Variants in ATG7 observed in about 807,000 individuals in gnomAD.
The protein encoded by ATG7 is ubiquitin-like modifier-activating enzyme ATG7.
A neutral mutation model predicts 82.4 loss-of-function variants in ATG7; 70 were observed. The ratio of observed to expected loss-of-function variants is 0.85; its 90% CI spans 0.70 to 1.04. The LOEUF (loss-of-function observed/expected upper bound fraction) is 1.04, where lower values mean the gene tolerates loss of function less well. Among genes scored for constraint, ATG7 ranks in the 50% least tolerant of loss-of-function variants. The probability of loss-of-function intolerance (pLI) is 0.00; values close to 1 mark genes in which losing one functional copy is unlikely to be tolerated. For missense variants in ATG7, 792 were observed against 864.3 expected, an observed-to-expected ratio of 0.92 and a Z score of 1.05; for synonymous variants, 287 against 313.0, an observed-to-expected ratio of 0.92 and a Z score of 0.88.
chr3:11,496,911 G>C (rs2090875344), intron 20 of ATG7, among the ~76,000 whole-genome samples: 1 of 151,978 alleles, frequency 6.6e-6, no homozygotes, highest in South Asian at 2.1e-4. Context: ...CCAGGCTGGA[G>C]TGCAGTGGTG....
intron 20 of ATG7, among the ~76,000 whole-genome samples, chr3:11,518,407 C>T (rs1172815722): frequency 2.0e-5 from 3 of 152,006 alleles, no homozygotes; most frequent in African/African-American, 2.4e-5. Flanking sequence ...ATTAGCTGGG[C>T]GTGGTGGCAT....
At chr3:11,571,635 C>T in the ATG7 span, among the ~76,000 whole-genome samples, 1 of 152,200 alleles carries the variant, frequency 6.6e-6, no homozygotes, top group Admixed American at 6.5e-5. Flanking sequence ...CCACTGCACT[C>T]CAGCCTGGGC....
At chr3:11,510,575 G>A (rs977781380) in intron 20 of ATG7, among the ~76,000 whole-genome samples, 7 of 151,460 alleles carry the variant, frequency 4.6e-5, no homozygotes, top group Non-Finnish European at 7.4e-5. Context: ...GCAACTCGCC[G>A]CCCACATCCA....
intron 19 of ATG7, among the ~76,000 whole-genome samples, chr3:11,386,993 A>G (rs1355963115): frequency 6.6e-6 from 1 of 152,220 alleles, no homozygotes; most frequent in Non-Finnish European, 1.5e-5. Context: ...CAGTGGGGAA[A>G]ATATTTTCTG....
chr3:11,413,203 T>C (rs1331390568), intron 19 of ATG7, among the ~76,000 whole-genome samples: 1 of 152,228 alleles, frequency 6.6e-6, no homozygotes, highest in African/African-American at 2.4e-5. Context: ...TAGTACTGTG[T>C]TGAATAGAAG....
intron 19 of ATG7, among the ~76,000 whole-genome samples, chr3:11,382,185 A>T (rs977209659): frequency 6.6e-6 from 1 of 152,208 alleles, no homozygotes; most frequent in Non-Finnish European, 1.5e-5. Context: ...ATAGAGACAG[A>T]CTGGGGAAGT....
At chr3:11,482,372 C>G (rs964582376) in intron 20 of ATG7, among the ~76,000 whole-genome samples, 22 of 152,330 alleles carry the variant, frequency 1.4e-4, no homozygotes, top group Admixed American at 1.3e-3. Flanking sequence ...GAATCTCTTC[C>G]CTTGGCTTCT....
At chr3:11,293,604 T>TTGG (rs1945329642) in intron 3 of ATG7, among the ~76,000 whole-genome samples, 1 of 151,232 alleles carries the variant, frequency 6.6e-6, no homozygotes, top group Non-Finnish European at 1.5e-5. Flanking sequence ...TCCCAGCACT[T>TTGG]TGGTACATCA....
At chr3:11,477,091 A>T (rs1338115739) in intron 20 of ATG7, 8 of 1,288,840 alleles carry the variant, frequency 6.2e-6, no homozygotes, top group Non-Finnish European at 8.1e-6. Context: ...TATTGCAGCA[A>T]TTTGGTGGTG....
Position 11,442,739 on chromosome 3 carries a change from C to CCAAAAAAAAAAAAAAAAAAAA in ATG7, c.2079+15813_2079+15814insCAAAAAAAAAAAAAAAAAAAA, listed in dbSNP as rs1553668928. Among the ~76,000 whole-genome samples, 12 of 69,252 alleles carry CCAAAAAAAAAAAAAAAAAAAA rather than the reference C, an allele frequency of 1.7e-4. 3 individuals are homozygous for CCAAAAAAAAAAAAAAAAAAAA. The highest frequency in any genetic ancestry group is 5.1e-4 in the East Asian group (1 of 1,944). The allele number at this position is 69,252 out of a possible 152,430, so 45.4% of individuals were successfully genotyped here. ...GCAGCATAGTGAGACTCCATCTCTACAAAAAAAAAAAAAAAAAAAAAAAAA... is the reference window on the plus strand; with the variant it reads ...GCAGCATAGTGAGACTCCATCTCTACCAAAAAAAAAAAAAAAAAAAAAAAAAAAAAAAAAAAAAAAAAAAAA... On this transcript the variant is annotated intron_variant, in intron 20 of 20. Coordinates refer to ENST00000693202, the MANE Select transcript of ATG7 (RefSeq NM_001349232.2).
At chr3:11,348,082 T>G (rs1954842049) in intron 14 of ATG7, 47 bp downstream of exon 14, 2 of 1,561,602 alleles carry the variant, frequency 1.3e-6, no homozygotes, top group South Asian at 2.4e-5. Flanking sequence ...GTATAAATGT[T>G]TAAGTCTTGG....
At chr3:11,400,360 T>C (rs756268254) in intron 19 of ATG7, among the ~76,000 whole-genome samples, 4 of 149,344 alleles carry the variant, frequency 2.7e-5, no homozygotes, top group Non-Finnish European at 5.9e-5. Context: ...ATAATAGGGG[T>C]AGGCCAATAA....
chr3:11,551,879 G>C (rs2071828844), intron 20 of ATG7, among the ~76,000 whole-genome samples: 1 of 152,072 alleles, frequency 6.6e-6, no homozygotes, highest in African/African-American at 2.4e-5. Context: ...CTCCCAAGTA[G>C]CTGGGACTAC....
intron 19 of ATG7, among the ~76,000 whole-genome samples, chr3:11,384,976 A>G (rs934228592): frequency 6.6e-6 from 1 of 152,226 alleles, no homozygotes; most frequent in Non-Finnish European, 1.5e-5. Flanking sequence ...AGAAAGAAGC[A>G]TGAAATAACA....
chr3:11,445,366 G>A (rs1395121978), intron 20 of ATG7, among the ~76,000 whole-genome samples: 1 of 152,194 alleles, frequency 6.6e-6, no homozygotes. Flanking sequence ...GGAATACTAT[G>A]CAGCCATAAA....
At chr3:11,553,233 C>G (rs971848297) in intron 20 of ATG7, among the ~76,000 whole-genome samples, 2 of 151,200 alleles carry the variant, frequency 1.3e-5, no homozygotes, top group Non-Finnish European at 3.0e-5. Flanking sequence ...GATCTCAGGC[C>G]AATTGCCTTA....
At chr3:11,455,151 T>G (rs964858603) in intron 20 of ATG7, among the ~76,000 whole-genome samples, 1 of 152,216 alleles carries the variant, frequency 6.6e-6, no homozygotes. Flanking sequence ...CTTTTACATA[T>G]GAGGAACTGG....
Position 11,441,727 on chromosome 3 carries a change from C to T in ATG7, c.2079+14801C>T, listed in dbSNP as rs913135288. 4.1e-5 allele frequency among the ~76,000 whole-genome samples: 6 copies of T among 146,886 alleles called. No homozygotes were observed. The Middle Eastern group carries it at 0.011, about 268-fold the overall frequency. On this transcript the variant is annotated intron_variant, in intron 20 of 20. Coordinates refer to ENST00000693202, the MANE Select transcript of ATG7 (RefSeq NM_001349232.2). ...TGTTGCCCAGGCTGGAGTGCAATGGCGTGATCTCAGCTCACTGCAACCTCT... is the reference window on the plus strand; with the variant it reads ...TGTTGCCCAGGCTGGAGTGCAATGGTGTGATCTCAGCTCACTGCAACCTCT...
intron 19 of ATG7, among the ~76,000 whole-genome samples, chr3:11,411,451 C>G (rs2080883278): frequency 6.6e-6 from 1 of 151,594 alleles, no homozygotes; most frequent in South Asian, 2.1e-4. Flanking sequence ...TGGTGAAACC[C>G]CGTCTCTAAA....
Sources: allele counts gnomAD v4.1 joint callset (sites outside exome capture counted in the v4.1 genomes callset), GRCh38; gene constraint gnomAD v4.1.1; transcripts MANE v1.5; gene names NCBI Gene and HGNC (gene_info 2026-07-23, HGNC 2026-07-21).